Variants in FSTL5 observed in about 807,000 individuals in gnomAD.
FSTL5 encodes the protein follistatin like 5, also known as follistatin-related protein 5.
A neutral mutation model predicts 89.1 loss-of-function variants in FSTL5; 62 were observed. The ratio of observed to expected loss-of-function variants is 0.70; its 90% confidence interval spans 0.57 to 0.86. The LOEUF is 0.86. Among genes scored for constraint, FSTL5 ranks in the 40% least tolerant of loss-of-function variants. FSTL5 has a pLI of 0.00. For synonymous variants in FSTL5, 383 were observed against 346.2 expected (o/e 1.11, Z -1.18); for missense variants, 1,057 against 1,001.6 (o/e 1.06, Z -0.75).
intron 5 of FSTL5, among the ~76,000 whole-genome samples, chr4:161,768,273 C>A (rs1741087634): frequency 1.3e-5 from 2 of 152,076 alleles, no homozygotes; most frequent in Admixed American, 6.5e-5. Flanking sequence ...ATTAACTCTA[C>A]CTTCCTTAAA....
At chr4:161,985,208 A>G (rs1735930372) in intron 3 of FSTL5, among the ~76,000 whole-genome samples, 1 of 152,134 alleles carries the variant, frequency 6.6e-6, no homozygotes. Context: ...CCAAAATGCC[A>G]TCAGGGTTGA....
intron 6 of FSTL5, among the ~76,000 whole-genome samples, chr4:161,682,603 C>G (rs1271585142): frequency 3.1e-5 from 1 of 32,368 alleles, no homozygotes; most frequent in Non-Finnish European, 1.3e-4. Context: ...AACATTATCA[C>G]CATCTTCCCA....
intron 7 of FSTL5, among the ~76,000 whole-genome samples, chr4:161,636,314 G>A (rs1735697571): frequency 6.6e-6 from 1 of 151,972 alleles, no homozygotes; most frequent in Admixed American, 6.6e-5. Flanking sequence ...ACCCAAAGGA[G>A]CAAGATAAGG....
At chr4:162,000,812 G>T (rs951574643) in intron 3 of FSTL5, among the ~76,000 whole-genome samples, 2 of 151,962 alleles carry the variant, frequency 1.3e-5, no homozygotes, top group East Asian at 1.9e-4. Flanking sequence ...CATGGATTGG[G>T]GAAGTAGACT....
At chr4:161,495,488 A>C (rs1441513726) in intron 12 of FSTL5, 1 of 152,178 alleles carries the variant, frequency 6.6e-6, no homozygotes, top group Admixed American at 6.6e-5. Flanking sequence ...CAACTAGGAT[A>C]AATATAGAAA....
chr4:161,678,139 CTATGA>C (rs1737375038), intron 6 of FSTL5, among the ~76,000 whole-genome samples: 2 of 151,464 alleles, frequency 1.3e-5, no homozygotes, highest in Non-Finnish European at 3.0e-5. Flanking sequence ...TATGTATATT[CTATGA>C]TATATTTTTA....
intron 3 of FSTL5, among the ~76,000 whole-genome samples, chr4:161,991,990 C>G (rs1448355684): frequency 1.3e-5 from 2 of 152,090 alleles, no homozygotes; most frequent in African/African-American, 4.8e-5. Flanking sequence ...TGCAAAAATC[C>G]CAGGAAGAGG....
At chr4:161,717,407 G>A (rs1271560652) in intron 6 of FSTL5, among the ~76,000 whole-genome samples, 1 of 152,146 alleles carries the variant, frequency 6.6e-6, no homozygotes, top group Non-Finnish European at 1.5e-5. Context: ...GTTTCCAGTG[G>A]CAGTGGGCTT....
chr4:161,827,223 T>C (rs1730695963), intron 4 of FSTL5, among the ~76,000 whole-genome samples: 1 of 152,160 alleles, frequency 6.6e-6, no homozygotes, highest in Admixed American at 6.5e-5. Context: ...TTATTTCTCT[T>C]CTGGATTTAG....
intron 6 of FSTL5, among the ~76,000 whole-genome samples, chr4:161,735,387 T>C (rs1579056690): frequency 6.6e-6 from 1 of 152,158 alleles, no homozygotes; most frequent in Non-Finnish European, 1.5e-5. Flanking sequence ...GCATGATTAA[T>C]TAAACATTGA....
intron 4 of FSTL5, among the ~76,000 whole-genome samples, chr4:161,868,995 G>C (rs147290310): frequency 6.6e-6 from 1 of 152,126 alleles, no homozygotes; most frequent in African/African-American, 2.4e-5. Context: ...AACGAGAGAG[G>C]CGGATCACCT....
intron 2 of FSTL5, among the ~76,000 whole-genome samples, chr4:162,064,616 G>A (rs761783970): frequency 3.9e-5 from 6 of 151,922 alleles, no homozygotes; most frequent in African/African-American, 1.2e-4. Flanking sequence ...TTTCAGACTG[G>A]AACTACAGAC....
At chr4:161,888,930 T>C (rs1444561597) in intron 4 of FSTL5, among the ~76,000 whole-genome samples, 3 of 152,130 alleles carry the variant, frequency 2.0e-5, no homozygotes, top group Non-Finnish European at 2.9e-5. Flanking sequence ...TTTTATTTTT[T>C]AAGCATTTCA....
rs993818068 is a variant in FSTL5, at chr4:161,668,841, G to T, written c.728-12347C>A. Among the ~76,000 whole-genome samples the T allele has an allele frequency of 2.0e-5, 3 of 152,122 alleles. No homozygotes were observed. The South Asian group carries it at 6.2e-4, about 31-fold the overall frequency. On this transcript the variant is annotated intron_variant, in intron 6 of 15. Coordinates refer to ENST00000306100, the MANE Select transcript of FSTL5 (RefSeq NM_020116.5). Reference sequence around the variant, plus strand: ...GAAGTAAATAAAGAGGCTGGGCGCGGTGGCTCACGCCTGTAATCCCAGCAC... The same window carrying T: ...GAAGTAAATAAAGAGGCTGGGCGCGTTGGCTCACGCCTGTAATCCCAGCAC...
intron 4 of FSTL5, among the ~76,000 whole-genome samples, chr4:161,786,581 T>A (rs751154186): frequency 3.3e-5 from 5 of 152,106 alleles, no homozygotes; most frequent in Non-Finnish European, 5.9e-5. Flanking sequence ...ACCGACCAAA[T>A]AAATACAAGT....
chr4:161,973,988 T>C (rs1435526606), intron 3 of FSTL5, among the ~76,000 whole-genome samples: 1 of 152,118 alleles, frequency 6.6e-6, no homozygotes, highest in African/African-American at 2.4e-5. Context: ...AGCCAAATCA[T>C]GAGTGAACTC....
intron 7 of FSTL5, among the ~76,000 whole-genome samples, chr4:161,623,526 A>G (rs1735213177): frequency 6.6e-6 from 1 of 151,918 alleles, no homozygotes; most frequent in South Asian, 2.1e-4. Flanking sequence ...CCTGTTTGTT[A>G]AAATTTTATT....
intron 4 of FSTL5, among the ~76,000 whole-genome samples, chr4:161,805,018 G>A (rs1196761030): frequency 6.6e-6 from 1 of 152,008 alleles, no homozygotes; most frequent in Non-Finnish European, 1.5e-5. Flanking sequence ...AATACAGCAT[G>A]GAAAAATAAA....
intron 4 of FSTL5, among the ~76,000 whole-genome samples, chr4:161,901,254 T>C (rs1038650678): frequency 5.3e-5 from 8 of 150,560 alleles, no homozygotes; most frequent in African/African-American, 2.0e-4. Flanking sequence ...AAAGAACATA[T>C]AGAAAAATAT....
Sources: allele counts gnomAD v4.1 joint callset (sites outside exome capture counted in the v4.1 genomes callset), GRCh38; gene constraint gnomAD v4.1.1; transcripts MANE v1.5; gene names NCBI Gene and HGNC (gene_info 2026-07-23, HGNC 2026-07-21).